The following FAM81B variants were observed in gnomAD, a reference collection of about 807,000 sequenced individuals.
FAM81B encodes family with sequence similarity 81 member B.
FAM81B carries 60 observed loss-of-function variants against 58.7 expected under a neutral mutation model. The ratio of observed to expected loss-of-function variants is 1.02; its 90% CI spans 0.83 to 1.27. FAM81B has a LOEUF of 1.27. Ranked by LOEUF, FAM81B falls within the 50% of genes most tolerant of loss-of-function variation. The pLI is 0.00. For synonymous variants in FAM81B, 189 were observed against 179.6 expected, an observed-to-expected ratio of 1.05 and a Z score of -0.42; for missense variants, 491 against 522.0, an observed-to-expected ratio of 0.94 and a Z score of 0.58.
Position 95,450,226 on chromosome 5 carries a change from G to C in FAM81B, c.1303G>C (p.Val435Leu), listed in dbSNP as rs766285774. 8.1e-6 allele frequency: 13 copies of C among 1,613,184 alleles called. No homozygotes were observed. Among genetic ancestry groups the C allele is most frequent in the Non-Finnish European group, 1.1e-5 (13 of 1,179,560 alleles). ...KTKMDLEKYK[V>L]QKDLKKLQRK... ...AAAGATGGATTTAGAGAAATATAAA[G>C]TACAGAAAGACCTAAAGAAATTACA... Residue 435 changes from valine to leucine, a missense_variant, in exon 10 of 10, where the codon GTA (valine) becomes CTA (leucine). Coordinates refer to ENST00000283357, the MANE Select transcript of FAM81B (RefSeq NM_152548.3).
At chr5:95,403,181 G>A (rs576564488) in intron 3 of FAM81B, among the ~76,000 whole-genome samples, 16 of 152,192 alleles carry the variant, frequency 1.1e-4, no homozygotes, top group African/African-American at 2.9e-4. Context: ...TACTCTCCCC[G>A]CCTACCCTAA....
rs144147818 is a variant in FAM81B at position 95,431,936 on chromosome 5, C to G, written c.786+3204C>G. On this transcript the variant is annotated intron_variant, in intron 6 of 9. Coordinates refer to ENST00000283357, the MANE Select transcript of FAM81B (RefSeq NM_152548.3). ...TCATTTTCATATGCAAAATTTCTCTCTCTTTTCTAATTGCTTTGACTAATA... is the reference window on the plus strand; with the variant it reads ...TCATTTTCATATGCAAAATTTCTCTGTCTTTTCTAATTGCTTTGACTAATA... 2.2e-3 allele frequency among the ~76,000 whole-genome samples: 329 copies of G among 151,970 alleles called. 2 individuals are homozygous for G. The highest frequency in any genetic ancestry group is 0.017 in the Middle Eastern group (5 of 292).
intron 1 of FAM81B, among the ~76,000 whole-genome samples, chr5:95,392,093 G>A (rs1232085147): frequency 7.2e-5 from 11 of 152,138 alleles, no homozygotes; most frequent in Non-Finnish European, 1.0e-4. Flanking sequence ...CAAAGACTTG[G>A]AACCAACCCA....
rs758012565 is a variant in FAM81B at position 95,392,836 on chromosome 5, AG to A, written c.169del (p.Glu57AsnfsTer21). 2 of 1,612,514 alleles carry A rather than the reference AG, an allele frequency of 1.2e-6. No homozygotes were observed. Among genetic ancestry groups the A allele is most frequent in the South Asian group, 2.2e-5 (2 of 90,644 alleles). On this transcript the variant is annotated frameshift_variant, in exon 2 of 10. Coordinates refer to ENST00000283357, the MANE Select transcript of FAM81B (RefSeq NM_152548.3). LOFTEE classifies it high-confidence loss of function. ...AGTGCCTCTCCAACTGCGACTGCAG[AG>A]GAACAGCCAGTTGAACCTGATGGCC... ...NKSASPTATA[E>X]EQPVEPDGPL...
chr5:95,391,601 T>A, intron 1 of FAM81B, 88 bp downstream of exon 1: 1 of 1,415,918 alleles, frequency 7.1e-7, no homozygotes, highest in South Asian at 1.5e-5. Flanking sequence ...AAATAATGAA[T>A]CCCAATGAAG....
Position 95,416,003 on chromosome 5 carries a change from A to G in FAM81B, c.537+1813A>G, listed in dbSNP as rs532251196. The stretch of plus-strand genomic sequence containing the variant: ...AGACAAATCCAAAACATTTTCCAAA[A>G]GACAAAGACAAAAATCTCAAAATAC... On this transcript the variant is annotated intron_variant, in intron 4 of 9. Transcript: ENST00000283357. 2.6e-5 allele frequency among the ~76,000 whole-genome samples: 4 copies of G among 152,358 alleles called. No individual in the cohort carries two copies. In the South Asian group the frequency reaches 8.3e-4, roughly 32 times the overall value.
At chr5:95,433,473 T>C (rs1350770132) in intron 6 of FAM81B, among the ~76,000 whole-genome samples, 2 of 152,148 alleles carry the variant, frequency 1.3e-5, no homozygotes, top group African/African-American at 2.4e-5. Context: ...CAAGATGAGA[T>C]TTGGATGGGG....
chr5:95,401,194 T>C (rs1762103514), intron 3 of FAM81B, among the ~76,000 whole-genome samples: 1 of 152,158 alleles, frequency 6.6e-6, no homozygotes, highest in Admixed American at 6.5e-5. Context: ...TTGCTGAACA[T>C]GAGGAGTCTG....
At chr5:95,416,431 AG>A (rs1426208237) in intron 4 of FAM81B, among the ~76,000 whole-genome samples, 2 of 152,226 alleles carry the variant, frequency 1.3e-5, no homozygotes, top group African/African-American at 4.8e-5. Context: ...TACAAGTTTT[AG>A]AATTAATTTA....
chr5:95,450,363 T>C lies in FAM81B; in HGVS notation c.*81T>C. On this transcript the variant is annotated 3_prime_UTR_variant, in exon 10 of 10. Coordinates refer to ENST00000283357, the MANE Select transcript of FAM81B (RefSeq NM_152548.3). ...TTCTGAAGAAGAAAGTTACTATCTC[T>C]GGGATGTTTACTGCTTCTAATGTCT... 6.3e-7 allele frequency: 1 copy of C among 1,579,960 alleles called. No homozygotes were observed. The highest frequency in any genetic ancestry group is 8.6e-7 in the Non-Finnish European group (1 of 1,168,148).
intron 7 of FAM81B, among the ~76,000 whole-genome samples, chr5:95,444,884 T>C (rs1027280822): frequency 7.9e-5 from 12 of 152,298 alleles, no homozygotes; most frequent in African/African-American, 2.9e-4. Flanking sequence ...TTCTTTGTTG[T>C]GAGTCTCTCC....
At chr5:95,412,761 G>C (rs1270274122) in intron 3 of FAM81B, among the ~76,000 whole-genome samples, 1 of 152,106 alleles carries the variant, frequency 6.6e-6, no homozygotes, top group East Asian at 1.9e-4. Flanking sequence ...ACTTTTTCCA[G>C]TCATTAATAT....
At chr5:95,415,342 A>G (rs1023375945) in intron 4 of FAM81B, among the ~76,000 whole-genome samples, 1 of 152,214 alleles carries the variant, frequency 6.6e-6, no homozygotes, top group Non-Finnish European at 1.5e-5. Context: ...TATTAAAATT[A>G]TGGGATTGAA....
chr5:95,431,119 T>C (rs1267172115), intron 6 of FAM81B, among the ~76,000 whole-genome samples: 2 of 152,104 alleles, frequency 1.3e-5, no homozygotes, highest in African/African-American at 4.8e-5. Context: ...TGCAAATGCA[T>C]TTCCCCAGTT....
intron 5 of FAM81B, among the ~76,000 whole-genome samples, chr5:95,427,011 T>C (rs1471331613): frequency 6.6e-6 from 1 of 151,956 alleles, no homozygotes; most frequent in East Asian, 1.9e-4. Context: ...ATTGTGCCAC[T>C]GCACTCCAGC....
chr5:95,400,447 C>CACACACACAT (rs1554042707), intron 3 of FAM81B, among the ~76,000 whole-genome samples: 6 of 151,290 alleles, frequency 4.0e-5, no homozygotes, highest in African/African-American at 1.2e-4. Flanking sequence ...CACACACACA[C>CACACACACAT]ACATACATAC....
chr5:95,401,946 A>C (rs1423363176), intron 3 of FAM81B, among the ~76,000 whole-genome samples: 2 of 152,222 alleles, frequency 1.3e-5, no homozygotes, highest in Non-Finnish European at 2.9e-5. Flanking sequence ...TCAATGATCT[A>C]TGTGAAGCCC....
At chr5:95,424,040 T>C (rs1333027138) in intron 5 of FAM81B, 2 of 1,289,604 alleles carry the variant, frequency 1.6e-6, no homozygotes, top group South Asian at 2.5e-5. Context: ...TTATCATTTC[T>C]ATCATCTAGG....
At chr5:95,442,052 A>C (rs1439873881) in intron 7 of FAM81B, among the ~76,000 whole-genome samples, 2 of 152,236 alleles carry the variant, frequency 1.3e-5, no homozygotes, top group Non-Finnish European at 2.9e-5. Flanking sequence ...ATATCATCCA[A>C]CTTTGAAAAC....
Sources: allele counts gnomAD v4.1 joint callset (sites outside exome capture counted in the v4.1 genomes callset), GRCh38; gene constraint gnomAD v4.1.1; transcripts MANE v1.5; gene names NCBI Gene and HGNC (gene_info 2026-07-23, HGNC 2026-07-21).